Variants in KTN1 observed in about 807,000 individuals in gnomAD.
KTN1 encodes the protein kinectin 1, also known as kinectin.
In KTN1, 130 loss-of-function variants were observed where a neutral mutation model predicts 222.5. That is an observed-to-expected ratio of 0.58 (90% confidence interval 0.51 to 0.68). The LOEUF (loss-of-function observed/expected upper bound fraction) is 0.68, where lower values mean the gene tolerates loss of function less well. Among genes scored for constraint, KTN1 ranks in the 30% least tolerant of loss-of-function variants. The pLI, the probability that KTN1 is intolerant of heterozygous loss-of-function variation, is 0.00. For synonymous variants in KTN1, 512 were observed against 496.3 expected, an observed-to-expected ratio of 1.03 and a Z score of -0.42; for missense variants, 1,508 against 1,500.4, an observed-to-expected ratio of 1.01 and a Z score of -0.08.
At chr14:55,627,861 T>C (rs1299205826) in intron 5 of KTN1, 51 bp from the exon 6 acceptor site, 3 of 1,052,308 alleles carry the variant, frequency 2.9e-6, no homozygotes, top group Non-Finnish European at 4.5e-6. Flanking sequence ...TCATAATTTT[T>C]ATTAGCCCAT....
intron 25 of KTN1, 136 bp from the exon 26 acceptor site, chr14:55,652,714 C>CTT: frequency 1.6e-6 from 1 of 612,586 alleles, no homozygotes; most frequent in Non-Finnish European, 2.9e-6. Flanking sequence ...TGCCTTTATA[C>CTT]TTGATAAGTT....
intron 33 of KTN1, among the ~76,000 whole-genome samples, chr14:55,666,769 A>G (rs1421858732): frequency 3.3e-5 from 5 of 151,970 alleles, no homozygotes; most frequent in Non-Finnish European, 7.4e-5. Flanking sequence ...GAAGTTGGAA[A>G]TAAGAGAGTT....
At chr14:55,611,694 A>C (rs1264157761) in intron 1 of KTN1, among the ~76,000 whole-genome samples, 1 of 152,206 alleles carries the variant, frequency 6.6e-6, no homozygotes, top group Non-Finnish European at 1.5e-5. Context: ...TTAACTACTA[A>C]TAAAGTACCA....
chr14:55,662,068 C>A (rs1224799007), intron 32 of KTN1, among the ~76,000 whole-genome samples: 1 of 136,864 alleles, frequency 7.3e-6, no homozygotes, highest in East Asian at 2.1e-4. Context: ...CTCCTCCTGC[C>A]CTTTTTTTTT....
chr14:55,675,532 C>A, intron 40 of KTN1: 1 of 217,928 alleles, frequency 4.6e-6, no homozygotes, highest in South Asian at 1.4e-4. Context: ...GAAATAATTT[C>A]AGTGACTGTT....
intron 18 of KTN1, among the ~76,000 whole-genome samples, chr14:55,643,170 A>C (rs575314177): frequency 1.3e-5 from 2 of 152,296 alleles, no homozygotes; most frequent in Non-Finnish European, 2.9e-5. Flanking sequence ...TCGGCCTCCC[A>C]AAGTGCTGGG....
intron 1 of KTN1, among the ~76,000 whole-genome samples, chr14:55,596,167 A>G (rs2140414086): frequency 6.6e-6 from 1 of 151,548 alleles, no homozygotes; most frequent in Non-Finnish European, 1.5e-5. Flanking sequence ...AAAAAAAAAA[A>G]AAAAAAGTAA....
intron 22 of KTN1, among the ~76,000 whole-genome samples, 181 bp downstream of exon 22, chr14:55,649,994 T>TAA (rs34854168): frequency 7.1e-6 from 1 of 141,650 alleles, no homozygotes; most frequent in Non-Finnish European, 1.5e-5. Context: ...TCAGTATAAT[T>TAA]AAAAAAAAAA....
Position 55,658,572 on chromosome 14 carries a change from T to A in KTN1, c.2919T>A (p.Phe973Leu), listed in dbSNP as rs762642970. ...LQDVQDENKL[F>L]KSQIEQLKQQ... ...ATGTACAAGATGAAAACAAATTGTTTAAGTCCCAAATTGAGCAGCTTAAAC... is the reference window on the plus strand; with the variant it reads ...ATGTACAAGATGAAAACAAATTGTTAAAGTCCCAAATTGAGCAGCTTAAAC... The change falls in exon 30 of 44, where the codon TTT becomes TTA. Residue 973 changes from phenylalanine (F) to leucine (L), a missense_variant. Transcript: ENST00000395314. The A allele has an allele frequency of 1.1e-5, 17 of 1,602,638 alleles. No homozygotes were observed. Among genetic ancestry groups the A allele is most frequent in the Non-Finnish European group, 1.3e-5 (15 of 1,170,856 alleles).
At chr14:55,676,889 A>G (rs2045929936) in intron 41 of KTN1, among the ~76,000 whole-genome samples, 1 of 152,178 alleles carries the variant, frequency 6.6e-6, no homozygotes, top group Non-Finnish European at 1.5e-5. Context: ...TTAGAGGACA[A>G]ACTTTGATGC....
chr14:55,648,954 C>G (rs2042665058), intron 21 of KTN1, 84 bp downstream of exon 21: 2 of 966,842 alleles, frequency 2.1e-6, no homozygotes, highest in Non-Finnish European at 3.2e-6. Context: ...GAAACGGGGT[C>G]TTGCTCTTTT....
At position 55,637,801 on chromosome 14, in the gene KTN1, C is replaced by G; in HGVS notation, c.1739C>G (p.Ala580Gly). The G allele has an allele frequency of 6.2e-7, 1 of 1,610,970 alleles. No individual in the cohort carries two copies. The highest frequency in any genetic ancestry group is 1.1e-5 in the South Asian group (1 of 90,648). ...AAGGATATTTTGGAGCAGAATGAGGCTTTGAAAGCTCAAATTCAGCAGTTC... is the reference window on the plus strand; with the variant it reads ...AAGGATATTTTGGAGCAGAATGAGGGTTTGAAAGCTCAAATTCAGCAGTTC... The part of the protein sequence containing the change: ...QVQDILEQNE[A>G]LKAQIQQFHS... Residue 580 changes from alanine to glycine, a missense_variant, in exon 12 of 44, where the codon GCT becomes GGT. Coordinates refer to ENST00000395314, the MANE Select transcript of KTN1 (RefSeq NM_001079521.2).
At chr14:55,659,307 G>GGT (rs1193826096) in intron 30 of KTN1, among the ~76,000 whole-genome samples, 16 of 120,646 alleles carry the variant, frequency 1.3e-4, no homozygotes, top group Admixed American at 8.3e-4. Flanking sequence ...TTTGATTTCT[G>GGT]TTTTTTTTTT....
chr14:55,583,941 T>C (rs2032343057), intron 1 of KTN1, among the ~76,000 whole-genome samples: 1 of 152,232 alleles, frequency 6.6e-6, no homozygotes, highest in South Asian at 2.1e-4. Flanking sequence ...CTTGAAAATA[T>C]AACCAGAATC....
intron 30 of KTN1, among the ~76,000 whole-genome samples, 175 bp from the exon 31 acceptor site, chr14:55,659,491 C>T (rs563356099): frequency 2.2e-4 from 34 of 152,180 alleles, no homozygotes; most frequent in Admixed American, 3.9e-4. Context: ...ATACATTTTA[C>T]AGATTTGTAC....
chr14:55,618,217 A>G lies in KTN1; in HGVS notation c.832+83A>G. The G allele has an allele frequency of 6.0e-6, 6 of 1,005,224 alleles. No homozygotes were observed. In the South Asian group the frequency reaches 1.2e-4, roughly 20 times the overall value. The allele number at this position is 1,005,224 out of a possible 1,614,324, so 62.3% of individuals were successfully genotyped here. ...ATGGAGTCATAGATTTCATTTTCTCATAGAAACAATGCATTTCAAAAGAAT... is the reference window on the plus strand; with the variant it reads ...ATGGAGTCATAGATTTCATTTTCTCGTAGAAACAATGCATTTCAAAAGAAT... On this transcript the variant is annotated intron_variant, in intron 4 of 43. Transcript: ENST00000395314.
rs1396040270 is a variant in KTN1 at position 55,630,064 on chromosome 14, C to T, written c.1188C>T (p.Val396=). The T allele has an allele frequency of 6.2e-7, 1 of 1,608,764 alleles. No individual in the cohort carries two copies. Among genetic ancestry groups the T allele is most frequent in the Admixed American group, 1.7e-5 (1 of 59,912 alleles). Residue 396 remains valine (V), a synonymous_variant, in exon 7 of 44, where the codon GTC becomes GTT. Coordinates refer to ENST00000395314, the MANE Select transcript of KTN1 (RefSeq NM_001079521.2). ...ATGTATTTCAAAACAAAATACATGT[C>T]AGTTATCAAGAGACTCAACAGATGC... is the stretch of plus-strand genomic sequence containing the variant. ...EHNVFQNKIH[V]SYQETQQMQM... is the part of the protein sequence containing the mutation.
chr14:55,675,832 C>T lies in KTN1; in HGVS notation c.3772-3C>T, dbSNP rs774454018. 1.0e-5 allele frequency: 16 copies of T among 1,591,308 alleles called. No individual in the cohort carries two copies. In the South Asian group the frequency reaches 1.5e-4, roughly 15 times the overall value. On this transcript the variant is annotated splice_region_variant and splice_polypyrimidine_tract_variant and intron_variant, in intron 40 of 43. Transcript: ENST00000395314. ...TAATTGTGGTGTTCCTTTATTTTTA[C>T]AGTTGAAGGCACAGTTAAATGAAAC...
Position 55,619,283 on chromosome 14 carries a change from T to G in KTN1, c.934T>G (p.Ser312Ala), listed in dbSNP as rs2038810644. 6.2e-7 allele frequency: 1 copy of G among 1,613,694 alleles called. No homozygotes were observed. The highest frequency in any genetic ancestry group is 8.5e-7 in the Non-Finnish European group (1 of 1,179,752). The change falls in exon 5 of 44, where the codon TCT (serine) becomes GCT (alanine). Residue 312 changes from serine (S) to alanine (A), a missense_variant. By Grantham distance (99) the Ser-to-Ala change is moderately conservative (BLOSUM62 1). Transcript: ENST00000395314. ...TGTTGTAGACTTGCTAAAGGAGAAG[T>G]CTGGTGTAATACAAGATGCTTTAAA... Reference protein sequence around the residue: ...LCVVDLLKEKSGVIQDALKKS... With the variant: ...LCVVDLLKEKAGVIQDALKKS...
Sources: gnomAD v4.1 joint callset for allele counts (sites outside exome capture counted in the v4.1 genomes callset) on GRCh38, gnomAD v4.1.1 for gene constraint, MANE v1.5 for transcripts, NCBI Gene and HGNC (gene_info 2026-07-23, HGNC 2026-07-21) for gene names.